Variants in CPEB4 observed in about 807,000 individuals in gnomAD.
CPEB4 encodes cytoplasmic polyadenylation element binding protein 4, also known as cytoplasmic polyadenylation element-binding protein 4.
In CPEB4, 12 loss-of-function variants were observed where a neutral mutation model predicts 72.5. The ratio of observed to expected loss-of-function variants is 0.17; its 90% CI spans 0.11 to 0.27. CPEB4 has a LOEUF of 0.27. Among genes scored for constraint, CPEB4 ranks in the 10% least tolerant of loss-of-function variants. The pLI, the probability that CPEB4 is intolerant of heterozygous loss-of-function variation, is 1.00. For synonymous variants in CPEB4, 302 were observed against 326.3 expected, an observed-to-expected ratio of 0.93 and a Z score of 0.80; for missense variants, 614 against 908.5, an observed-to-expected ratio of 0.68 and a Z score of 4.17.
intron 2 of CPEB4, among the ~76,000 whole-genome samples, chr5:173,931,121 C>T (rs1757432682): frequency 6.6e-6 from 1 of 151,994 alleles, no homozygotes; most frequent in Non-Finnish European, 1.5e-5. Flanking sequence ...GCCATGAGTT[C>T]ATTACTATGG....
At position 173,960,323 on chromosome 5, in the gene CPEB4, T is replaced by C. The variant is rs1443722007; in HGVS notation, c.*4186T>C. On this transcript the variant is annotated 3_prime_UTR_variant, in exon 10 of 10. Coordinates refer to ENST00000265085, the MANE Select transcript of CPEB4 (RefSeq NM_030627.4). ...CTTTTAACTCAGATTTCTTTTAATA[T>C]ACTTATTTCTTTTTAACACAAGTAG... The C allele has an allele frequency of 6.6e-6, 1 of 152,660 alleles. No individual in the cohort carries two copies. Among genetic ancestry groups the C allele is most frequent in the Non-Finnish European group, 1.5e-5 (1 of 68,030 alleles). The allele number at this position is 152,660 out of a possible 1,614,324, so 9.5% of individuals were successfully genotyped here. A position where few individuals can be genotyped will look rare whatever the true frequency, so the allele number is the denominator to read the frequency against.
chr5:173,908,343 G>T (rs1199841996), intron 1 of CPEB4, among the ~76,000 whole-genome samples: 1 of 152,214 alleles, frequency 6.6e-6, no homozygotes, highest in Non-Finnish European at 1.5e-5. Flanking sequence ...GGGCAAAGAT[G>T]TTCTGGAGGG....
intron 5 of CPEB4, among the ~76,000 whole-genome samples, chr5:173,947,511 T>C (rs1758066940): frequency 6.6e-6 from 1 of 152,026 alleles, no homozygotes; most frequent in African/African-American, 2.4e-5. Context: ...AGGGGAAAGA[T>C]TGGTTACATT....
intron 1 of CPEB4, among the ~76,000 whole-genome samples, chr5:173,906,712 T>G (rs1360094310): frequency 6.6e-6 from 1 of 152,236 alleles, no homozygotes; most frequent in Admixed American, 6.5e-5. Context: ...ATCCCTGTAT[T>G]AAACTGTAAC....
chr5:173,890,555 G>A lies in CPEB4; in HGVS notation c.822G>A (p.Leu274=), dbSNP rs1414472203. ...CTGCTTTTAACCAGCTGCCTCATTTGGCGAATAATCTTAACAAACCCCCCT... is the reference window on the plus strand; with the variant it reads ...CTGCTTTTAACCAGCTGCCTCATTTAGCGAATAATCTTAACAAACCCCCCT... ...RNAAFNQLPH[L]ANNLNKPPSP... Residue 274 remains leucine, a synonymous_variant, in exon 1 of 10, where the codon TTG becomes TTA. Coordinates refer to ENST00000265085, the MANE Select transcript of CPEB4 (RefSeq NM_030627.4). 5.6e-6 allele frequency: 9 copies of A among 1,613,972 alleles called. No individual in the cohort carries two copies. Among genetic ancestry groups the A allele is most frequent in the Non-Finnish European group, 7.6e-6 (9 of 1,180,036 alleles).
At chr5:173,930,623 T>A (rs1369989345) in intron 2 of CPEB4, among the ~76,000 whole-genome samples, 2 of 152,184 alleles carry the variant, frequency 1.3e-5, no homozygotes, top group Non-Finnish European at 2.9e-5. Context: ...TACATAGGAC[T>A]AAGCTGAAAT....
chr5:173,929,447 C>T (rs569913865), intron 2 of CPEB4, among the ~76,000 whole-genome samples: 1 of 152,060 alleles, frequency 6.6e-6, no homozygotes, highest in Non-Finnish European at 1.5e-5. Context: ...TCCTGTAAAC[C>T]CGGCACTTGA....
intron 8 of CPEB4, 99 bp from the exon 9 acceptor site, chr5:173,952,992 T>G: frequency 3.5e-6 from 3 of 848,422 alleles, no homozygotes; most frequent in Non-Finnish European, 1.8e-6. Context: ...TATAATGATG[T>G]GAGCTCAGAG....
At chr5:173,923,004 G>C (rs1237711712) in intron 2 of CPEB4, among the ~76,000 whole-genome samples, 1 of 152,188 alleles carries the variant, frequency 6.6e-6, no homozygotes, top group East Asian at 1.9e-4. Context: ...ATTAATAAGA[G>C]GAAAAGTAAG....
rs1001048402 is a variant in CPEB4, at chr5:173,910,603, A to G, written c.1206A>G (p.Lys402=). 6.3e-7 allele frequency: 1 copy of G among 1,582,860 alleles called. No homozygotes were observed. Among genetic ancestry groups the G allele is most frequent in the Non-Finnish European group, 8.7e-7 (1 of 1,151,598 alleles). The change falls in exon 2 of 10, where the codon AAA becomes AAG. Residue 402 remains lysine, a splice_region_variant and synonymous_variant. Coordinates refer to ENST00000265085, the MANE Select transcript of CPEB4 (RefSeq NM_030627.4). ...TGAGAGCTGAAAATGATACCATTAA[A>G]GGTAAGTTTAGAAATATACCCAATT... ...DIMRAENDTI[K]GRLNYSYPGS... is the part of the protein sequence containing the mutation.
In CPEB4 at chr5:173,951,913, T is replaced by C; in HGVS notation, c.1755T>C (p.Gly585=). ...ACCCACGAAAAACTATATTTGTTGG[T>C]GGTGTTCCTCGACCATTACGAGCTG... ...PLDPRKTIFV[G]GVPRPLRAVE... is the part of the protein sequence containing the mutation. The change falls in exon 8 of 10, where the codon GGT becomes GGC. Residue 585 remains glycine, a synonymous_variant. Transcript: ENST00000265085. 1 of 1,612,992 alleles carries C rather than the reference T, an allele frequency of 6.2e-7. No individual in the cohort carries two copies. Among genetic ancestry groups the C allele is most frequent in the Non-Finnish European group, 8.5e-7 (1 of 1,179,026 alleles).
chr5:173,936,814 C>A lies in CPEB4; in HGVS notation c.1258+4314C>A, dbSNP rs201814913. On this transcript the variant is annotated intron_variant, in intron 3 of 9. Coordinates refer to ENST00000265085, the MANE Select transcript of CPEB4 (RefSeq NM_030627.4). ...TGTATAAAAATGCTTGTGCATTATA[C>A]TTTTTTTTTTTTTTTCTCTAACCTT... is the stretch of plus-strand genomic sequence containing the variant. Among the ~76,000 whole-genome samples the A allele has an allele frequency of 1.1e-4, 15 of 142,544 alleles. No individual in the cohort carries two copies. The East Asian group carries it at 2.8e-3, about 27-fold the overall frequency. 93.5% of individuals were successfully genotyped at this position (142,544 alleles called of 152,430 possible).
intron 9 of CPEB4, among the ~76,000 whole-genome samples, chr5:173,954,613 T>G (rs1331203909): frequency 6.6e-6 from 1 of 152,158 alleles, no homozygotes; most frequent in African/African-American, 2.4e-5. Flanking sequence ...CCTCAAGGGA[T>G]CCACCTGCCT....
chr5:173,907,535 C>G lies in CPEB4; in HGVS notation c.1126-2988C>G, dbSNP rs369781465. On this transcript the variant is annotated intron_variant, in intron 1 of 9. Transcript: ENST00000265085. ...CACTAAACTTAATTCCTCCCCTCCC[C>G]CAAAAGAAAACATACAGCTCTTTAG... Among the ~76,000 whole-genome samples, 100 of 152,258 alleles carry G rather than the reference C, an allele frequency of 6.6e-4. 1 individual carries two copies. The highest frequency in any genetic ancestry group is 6.8e-3 in the Middle Eastern group (2 of 294).
rs368327415 is a variant in CPEB4 at position 173,890,123 on chromosome 5, G to A, written c.390G>A (p.Lys130=). 6.2e-7 allele frequency: 1 copy of A among 1,614,076 alleles called. No individual in the cohort carries two copies. Among genetic ancestry groups the A allele is most frequent in the African/African-American group, 1.3e-5 (1 of 74,946 alleles). ...GDNSSENGNG[K]EKIRIESPVL... is the part of the protein sequence containing the mutation. ...ATTCTTCGGAAAATGGCAATGGGAA[G>A]GAGAAAATAAGGATCGAATCTCCAG... The change falls in exon 1 of 10, where the codon AAG becomes AAA. Residue 130 remains lysine (K), a synonymous_variant. Transcript: ENST00000265085.
At chr5:173,923,231 G>T (rs1228397931) in intron 2 of CPEB4, among the ~76,000 whole-genome samples, 1 of 152,172 alleles carries the variant, frequency 6.6e-6, no homozygotes, top group East Asian at 1.9e-4. Context: ...TTGGGGTTTG[G>T]ACTTCAGTAA....
At chr5:173,947,253 C>G (rs1403555340) in intron 5 of CPEB4, among the ~76,000 whole-genome samples, 1 of 152,090 alleles carries the variant, frequency 6.6e-6, no homozygotes, top group African/African-American at 2.4e-5. Flanking sequence ...ATTTAAATTG[C>G]AAAATGTGGT....
At chr5:173,927,826 C>T (rs906713470) in intron 2 of CPEB4, among the ~76,000 whole-genome samples, 14 of 151,880 alleles carry the variant, frequency 9.2e-5, no homozygotes, top group South Asian at 2.1e-4. Flanking sequence ...CTTATGCCTA[C>T]GCAAAAGCCT....
intron 1 of CPEB4, chr5:173,891,602 A>G (rs574058567): frequency 2.0e-5 from 3 of 152,340 alleles, no homozygotes; most frequent in Admixed American, 2.0e-4. Context: ...TAATTAAACC[A>G]TTCCTAAAAA....
Sources: gnomAD v4.1 joint callset for allele counts (sites outside exome capture counted in the v4.1 genomes callset) on GRCh38, gnomAD v4.1.1 for gene constraint, MANE v1.5 for transcripts, NCBI Gene and HGNC (gene_info 2026-07-23, HGNC 2026-07-21) for gene names.